The following HBS1L variants were observed in gnomAD, a reference collection of about 807,000 sequenced individuals.
HBS1L encodes HBS1-like protein.
In HBS1L, 55 loss-of-function variants were observed where a neutral mutation model predicts 88.9. That is an observed-to-expected ratio of 0.62 (90% CI 0.50 to 0.77). The LOEUF (loss-of-function observed/expected upper bound fraction) is 0.77, where lower values mean the gene tolerates loss of function less well. HBS1L is among the 30% of genes least tolerant of loss of function. The pLI, the probability that HBS1L is intolerant of heterozygous loss-of-function variation, is 0.00. For missense variants in HBS1L, 741 were observed against 829.3 expected, an observed-to-expected ratio of 0.89 and a Z score of 1.31; for synonymous variants, 267 against 288.5, an observed-to-expected ratio of 0.93 and a Z score of 0.76.
intron 4 of HBS1L, chr6:135,036,028 T>A: frequency 1.5e-6 from 1 of 679,772 alleles, no homozygotes; most frequent in Non-Finnish European, 1.8e-6. Flanking sequence ...TCCACAGTAC[T>A]CTCAAAAGTC....
At chr6:134,988,941 A>G (rs1394763981) in intron 8 of HBS1L, among the ~76,000 whole-genome samples, 1 of 152,210 alleles carries the variant, frequency 6.6e-6, no homozygotes, top group Non-Finnish European at 1.5e-5. Flanking sequence ...CAGCTATTGA[A>G]AAAAAAGCCT....
intron 2 of HBS1L, among the ~76,000 whole-genome samples, chr6:135,043,613 T>C (rs749332754): frequency 1.3e-5 from 2 of 152,138 alleles, no homozygotes; most frequent in Non-Finnish European, 2.9e-5. Flanking sequence ...TAATGACTTA[T>C]TCTAAAAGCC....
intron 12 of HBS1L, among the ~76,000 whole-genome samples, chr6:134,984,070 C>A (rs576787135): frequency 2.0e-5 from 3 of 152,072 alleles, no homozygotes; most frequent in Non-Finnish European, 4.4e-5. Context: ...GCAGCGTAGG[C>A]GGAAGCCAGG....
At chr6:134,988,899 G>A (rs1775055257) in intron 8 of HBS1L, among the ~76,000 whole-genome samples, 1 of 151,992 alleles carries the variant, frequency 6.6e-6, no homozygotes, top group Non-Finnish European at 1.5e-5. Context: ...GCAAATATAT[G>A]AATTATCAAA....
chr6:135,034,512 C>T (rs1012778594), intron 4 of HBS1L, among the ~76,000 whole-genome samples: 1 of 152,124 alleles, frequency 6.6e-6, no homozygotes, highest in African/African-American at 2.4e-5. Flanking sequence ...GGTGTGGTGA[C>T]ACGCACCTGT....
At chr6:134,993,006 T>C (rs546649990) in intron 8 of HBS1L, among the ~76,000 whole-genome samples, 1 of 152,310 alleles carries the variant, frequency 6.6e-6, no homozygotes, top group South Asian at 2.1e-4. Context: ...TATGATATGC[T>C]TAGATCAGTT....
chr6:135,036,650 G>C, intron 4 of HBS1L: 5 of 1,550,918 alleles, frequency 3.2e-6, no homozygotes, highest in Non-Finnish European at 4.4e-6. Flanking sequence ...GCTACAAGTG[G>C]ACTTATTTCT....
intron 1 of HBS1L, among the ~76,000 whole-genome samples, chr6:135,054,156 C>CT (rs1554234143): frequency 2.0e-5 from 3 of 152,242 alleles, no homozygotes; most frequent in Non-Finnish European, 2.9e-5. Context: ...TGATTCTGCA[C>CT]TAGGTATGTA....
chr6:135,020,698 A>G (rs1188477886), intron 4 of HBS1L, among the ~76,000 whole-genome samples: 5 of 152,054 alleles, frequency 3.3e-5, no homozygotes, highest in African/African-American at 9.7e-5. Flanking sequence ...AATATGTACT[A>G]TAAGTCTTAA....
At chr6:135,012,530 T>A (rs539243104) in intron 4 of HBS1L, among the ~76,000 whole-genome samples, 22 of 152,314 alleles carry the variant, frequency 1.4e-4, no homozygotes, top group Non-Finnish European at 2.8e-4. Flanking sequence ...CAAACCATGT[T>A]CTACTTCTGT....
chr6:135,044,663 G>C (rs1776853522), intron 2 of HBS1L, among the ~76,000 whole-genome samples: 1 of 152,134 alleles, frequency 6.6e-6, no homozygotes, highest in Admixed American at 6.5e-5. Flanking sequence ...TGGCATTTTA[G>C]ATTTAATAAA....
intron 8 of HBS1L, among the ~76,000 whole-genome samples, chr6:134,992,512 GTACT>G (rs1482994818): frequency 1.1e-4 from 17 of 152,304 alleles, no homozygotes; most frequent in African/African-American, 4.1e-4. Flanking sequence ...AGTGGTTTAT[GTACT>G]TACTATTTTT....
At position 134,960,433 on chromosome 6, in the gene HBS1L, A is replaced by G. The variant is rs951872313; in HGVS notation, c.*4846T>C. 3 of 152,286 alleles carry G rather than the reference A, an allele frequency of 2.0e-5. No individual in the cohort carries two copies. Among genetic ancestry groups the G allele is most frequent in the Admixed American group, 6.5e-5 (1 of 15,296 alleles). The allele number at this position is 152,286 out of a possible 1,614,324, so 9.4% of individuals were successfully genotyped here. ...ATGACCTTGTTTGTTTACATGATCT[A>G]TAAGGCAGAGCTATGAGAATTCCTC... On this transcript the variant is annotated 3_prime_UTR_variant, in exon 18 of 18. Coordinates refer to ENST00000367837, the MANE Select transcript of HBS1L (RefSeq NM_006620.4).
rs1774175069 is a variant in HBS1L, at chr6:134,961,072, A to G, written c.*4207T>C. The G allele has an allele frequency of 7.0e-6, 1 of 143,596 alleles. No homozygotes were observed. The highest frequency in any genetic ancestry group is 1.5e-5 in the Non-Finnish European group (1 of 66,236). 8.9% of individuals were successfully genotyped at this position (143,596 alleles called of 1,614,324 possible). A position where few individuals can be genotyped will look rare whatever the true frequency, so the allele number is the denominator to read the frequency against. The stretch of plus-strand genomic sequence containing the variant: ...TTGTTTCCTTTCCATCTTTTGCTGT[A>G]CAGACTTAGTTTCTTTGCTTTTTTT... On this transcript the variant is annotated 3_prime_UTR_variant, in exon 18 of 18. Transcript: ENST00000367837.
At chr6:135,032,219 T>C (rs1185264904) in intron 4 of HBS1L, among the ~76,000 whole-genome samples, 1 of 151,514 alleles carries the variant, frequency 6.6e-6, no homozygotes, top group African/African-American at 2.4e-5. Context: ...AAAAGACCAT[T>C]CAGAAATATC....
intron 3 of HBS1L, among the ~76,000 whole-genome samples, chr6:135,040,504 A>T (rs916668888): frequency 1.3e-5 from 2 of 151,788 alleles, no homozygotes; most frequent in Admixed American, 6.6e-5. Context: ...GACGCCCGCC[A>T]CCATGCCCGG....
chr6:135,041,055 T>G (rs1302775724), intron 3 of HBS1L, among the ~76,000 whole-genome samples: 3 of 152,156 alleles, frequency 2.0e-5, no homozygotes, highest in Non-Finnish European at 1.5e-5. Context: ...TCAAACTCCC[T>G]ATTCCACAAA....
intron 4 of HBS1L, among the ~76,000 whole-genome samples, chr6:135,004,115 T>C (rs1775542567): frequency 6.6e-6 from 1 of 152,100 alleles, no homozygotes; most frequent in African/African-American, 2.4e-5. Flanking sequence ...TAAGAAAAGA[T>C]AAGTTAATGT....
At chr6:134,971,116 AAG>A (rs1774471396) in intron 15 of HBS1L, among the ~76,000 whole-genome samples, 1 of 151,548 alleles carries the variant, frequency 6.6e-6, no homozygotes, top group South Asian at 2.1e-4. Context: ...AAAAAAAAAA[AAG>A]GGCACAGCTG....
Sources: allele counts gnomAD v4.1 joint callset (sites outside exome capture counted in the v4.1 genomes callset), GRCh38; gene constraint gnomAD v4.1.1; transcripts MANE v1.5; gene names NCBI Gene and HGNC (gene_info 2026-07-23, HGNC 2026-07-21).